SPMAP2L: variants seen among roughly 807,000 people sequenced by gnomAD.
The protein encoded by SPMAP2L is sperm microtubule associated protein 2-like.
the SPMAP2L span, chr4:56,531,174 G>A: frequency 9.9e-6 from 15 of 1,522,842 alleles, no homozygotes; most frequent in Non-Finnish European, 1.2e-5. Flanking sequence ...TGGGTGGTAG[G>A]TGTTCCCCTT....
chr4:56,534,822 G>T, the SPMAP2L span, among the ~76,000 whole-genome samples: 1 of 152,076 alleles, frequency 6.6e-6, no homozygotes. Context: ...CCAGCTACTC[G>T]GGAGGCTAAG....
the SPMAP2L span, chr4:56,594,202 G>C: frequency 6.2e-7 from 1 of 1,612,656 alleles, no homozygotes; most frequent in African/African-American, 1.3e-5. Flanking sequence ...TGTTCAAGAG[G>C]ACCAGCCCGT....
the SPMAP2L span, among the ~76,000 whole-genome samples, chr4:56,623,385 A>C: frequency 6.6e-6 from 1 of 152,238 alleles, no homozygotes; most frequent in Non-Finnish European, 1.5e-5. Flanking sequence ...GGAGCAAAAA[A>C]ACACTTTCAA....
At chr4:56,612,473 T>C in the SPMAP2L span, among the ~76,000 whole-genome samples, 1 of 152,056 alleles carries the variant, frequency 6.6e-6, no homozygotes, top group Non-Finnish European at 1.5e-5. Flanking sequence ...ACTACAGGCA[T>C]GAGCCACCAC....
the SPMAP2L span, chr4:56,584,648 G>A: frequency 1.5e-6 from 2 of 1,350,756 alleles, no homozygotes; most frequent in Non-Finnish European, 2.0e-6. Context: ...GTTCCTGATT[G>A]ACTTGTAACA....
At chr4:56,610,370 G>A in the SPMAP2L span, among the ~76,000 whole-genome samples, 1 of 152,134 alleles carries the variant, frequency 6.6e-6, no homozygotes, top group African/African-American at 2.4e-5. Context: ...TCAACAAGTG[G>A]TCCTGGGATA....
At chr4:56,603,106 G>T in the SPMAP2L span, 1 of 639,288 alleles carries the variant, frequency 1.6e-6, no homozygotes, top group East Asian at 2.9e-5. Context: ...AAAATAAAAT[G>T]GGATAATATC....
chr4:56,581,495 C>T, the SPMAP2L span, among the ~76,000 whole-genome samples: 1 of 151,860 alleles, frequency 6.6e-6, no homozygotes, highest in Non-Finnish European at 1.5e-5. Context: ...TGGCACAAGC[C>T]TGTAGTACCA....
At chr4:56,548,411 T>C in the SPMAP2L span, among the ~76,000 whole-genome samples, 1 of 152,320 alleles carries the variant, frequency 6.6e-6, no homozygotes, top group South Asian at 2.1e-4. Flanking sequence ...TTAAGACTAT[T>C]AACCCTTTAT....
chr4:56,600,011 A>G, the SPMAP2L span, among the ~76,000 whole-genome samples: 1 of 151,054 alleles, frequency 6.6e-6, no homozygotes, highest in Non-Finnish European at 1.5e-5. Flanking sequence ...GAAACAACAG[A>G]TGCTGGCAAG....
the SPMAP2L span, chr4:56,531,120 C>T: frequency 6.5e-7 from 1 of 1,535,262 alleles, no homozygotes; most frequent in Non-Finnish European, 8.7e-7. Flanking sequence ...TGATCTCCCC[C>T]TCTCTGATCA....
chr4:56,567,442 G>GTTTTTTTT, the SPMAP2L span, among the ~76,000 whole-genome samples: 175 of 65,582 alleles, frequency 2.7e-3, 9 homozygotes, highest in East Asian at 3.1e-3. Flanking sequence ...AATTTTGGTG[G>GTTTTTTTT]TTTTTTTTTT....
chr4:56,570,904 A>G, the SPMAP2L span, among the ~76,000 whole-genome samples: 100 of 152,070 alleles, frequency 6.6e-4, 1 homozygote, highest in Middle Eastern at 3.4e-3. Flanking sequence ...CCCGGGTTCA[A>G]GCAATTCTCC....
the SPMAP2L span, chr4:56,595,305 G>C: frequency 6.2e-7 from 1 of 1,612,394 alleles, no homozygotes; most frequent in Admixed American, 1.7e-5. Context: ...ATGTGGCCAA[G>C]AGACTCCAGG....
the SPMAP2L span, among the ~76,000 whole-genome samples, chr4:56,534,597 T>A: frequency 6.6e-6 from 1 of 152,210 alleles, no homozygotes. Context: ...CAGTCATTGA[T>A]TTATCGTCCC....
At chr4:56,537,963 G>A in the SPMAP2L span, among the ~76,000 whole-genome samples, 1 of 151,544 alleles carries the variant, frequency 6.6e-6, no homozygotes, top group Admixed American at 6.6e-5. Flanking sequence ...AAAGTGCTGG[G>A]ATTACAGGCG....
chr4:56,563,355 C>T, the SPMAP2L span, among the ~76,000 whole-genome samples: 7 of 151,324 alleles, frequency 4.6e-5, no homozygotes, highest in African/African-American at 7.3e-5. Flanking sequence ...CTGCCTGCCT[C>T]GGCCTCCCAA....
chr4:56,572,441 T>A, the SPMAP2L span, among the ~76,000 whole-genome samples: 1 of 152,186 alleles, frequency 6.6e-6, no homozygotes, highest in Non-Finnish European at 1.5e-5. Context: ...CCCCTTGACA[T>A]AGAGAACAAG....
the SPMAP2L span, among the ~76,000 whole-genome samples, chr4:56,607,623 A>T: frequency 6.6e-6 from 1 of 152,146 alleles, no homozygotes; most frequent in African/African-American, 2.4e-5. Context: ...GAGAACTCAG[A>T]AGAGTTGTAG....
Sources: allele counts gnomAD v4.1 joint callset (sites outside exome capture counted in the v4.1 genomes callset), GRCh38; gene constraint gnomAD v4.1.1; transcripts MANE v1.5; gene names NCBI Gene and HGNC (gene_info 2026-07-23, HGNC 2026-07-21).